PKHD1: variants seen among roughly 807,000 people sequenced by gnomAD.
The protein encoded by PKHD1 is PKHD1 ciliary IPT domain containing fibrocystin/polyductin.
Under a neutral mutation model 412.0 loss-of-function variants are expected in PKHD1, and 291 were observed. The observed-to-expected ratio is 0.71, with a 90% CI of 0.64 to 0.78. PKHD1 has a LOEUF of 0.78. Ranked by LOEUF, PKHD1 falls within the 30% of genes least tolerant of loss-of-function variation. PKHD1 has a pLI of 0.00. For missense variants in PKHD1, 4,825 were observed against 4,950.7 expected (o/e 0.97, Z 0.76); for synonymous variants, 1,777 against 1,821.5 (o/e 0.98, Z 0.62).
At chr6:52,011,049 T>A (rs1799755785) in intron 34 of PKHD1, among the ~76,000 whole-genome samples, 2 of 152,296 alleles carry the variant, frequency 1.3e-5, no homozygotes, top group South Asian at 4.1e-4. Context: ...ATTAACTTAG[T>A]AAATTAATTA....
At chr6:51,650,079 T>C (rs147038961) in intron 61 of PKHD1, among the ~76,000 whole-genome samples, 103 of 152,276 alleles carry the variant, frequency 6.8e-4, no homozygotes, top group African/African-American at 2.4e-3. Flanking sequence ...ATAGTAAGTG[T>C]TGACCAAGAT....
Position 52,024,833 on chromosome 6 carries a change from T to A in PKHD1, c.4977A>T (p.Glu1659Asp). Reference sequence around the variant, plus strand: ...CATCGCTCTGAGAAATAGAGATCAATTCTGGGGTAAAGGCCTTGTTATAAC... The same window carrying A: ...CATCGCTCTGAGAAATAGAGATCAAATCTGGGGTAAAGGCCTTGTTATAAC... Reference protein sequence around the residue: ...VIGYNKAFTPELISISQSDDI... With the variant: ...VIGYNKAFTPDLISISQSDDI... The change falls in exon 32 of 67, where the codon GAA becomes GAT. Residue 1659 changes from glutamate to aspartate, a missense_variant. Physicochemically the swap from Glu to Asp is conservative, Grantham distance 45. Coordinates refer to ENST00000371117, the MANE Select transcript of PKHD1 (RefSeq NM_138694.4). 1 of 1,614,230 alleles carries A rather than the reference T, an allele frequency of 6.2e-7. No homozygotes were observed. The highest frequency in any genetic ancestry group is 8.5e-7 in the Non-Finnish European group (1 of 1,180,038).
chr6:51,758,014 A>AAGAGAGAGAG (rs10534219), intron 55 of PKHD1, among the ~76,000 whole-genome samples: 4,069 of 125,858 alleles, frequency 0.032, 164 homozygotes, highest in African/African-American at 0.095. Flanking sequence ...ACCCTGCCAA[A>AAGAGAGAGAG]AGAGAGAGAG....
chr6:51,833,326 A>G (rs1484921397), intron 51 of PKHD1, among the ~76,000 whole-genome samples: 2 of 152,204 alleles, frequency 1.3e-5, no homozygotes, highest in Non-Finnish European at 2.9e-5. Context: ...GCCTTAAGGT[A>G]GCTATTCTAA....
At chr6:52,022,399 T>TGGTA (rs1489458347) in intron 33 of PKHD1, among the ~76,000 whole-genome samples, 1 of 152,194 alleles carries the variant, frequency 6.6e-6, no homozygotes, top group Non-Finnish European at 1.5e-5. Context: ...ATCCCTTTAC[T>TGGTA]GGTACCTCCA....
intron 35 of PKHD1, among the ~76,000 whole-genome samples, chr6:52,008,326 T>A (rs1302261216): frequency 6.6e-6 from 1 of 152,240 alleles, no homozygotes; most frequent in African/African-American, 2.4e-5. Context: ...TCCACCCAGC[T>A]GTGATGAATT....
chr6:51,788,288 C>T (rs1014494628), intron 53 of PKHD1, among the ~76,000 whole-genome samples: 2 of 151,904 alleles, frequency 1.3e-5, no homozygotes, highest in Non-Finnish European at 2.9e-5. Context: ...ACAGAAGAAT[C>T]ATATCTGTTC....
intron 64 of PKHD1, among the ~76,000 whole-genome samples, chr6:51,636,536 A>G (rs996720865): frequency 2.0e-5 from 3 of 151,990 alleles, no homozygotes; most frequent in Non-Finnish European, 4.4e-5. Flanking sequence ...GTTGGGTGAC[A>G]GATTGAGACC....
At chr6:51,630,976 A>C (rs1767853499) in intron 65 of PKHD1, among the ~76,000 whole-genome samples, 2 of 152,172 alleles carry the variant, frequency 1.3e-5, no homozygotes, top group African/African-American at 4.8e-5. Flanking sequence ...AAGACACTGA[A>C]GTAATAGATA....
chr6:51,799,771 C>G (rs960827581), intron 52 of PKHD1, among the ~76,000 whole-genome samples: 1 of 152,190 alleles, frequency 6.6e-6, no homozygotes, highest in South Asian at 2.1e-4. Context: ...AAGCTGGCAT[C>G]TATGTGCCAC....
intron 52 of PKHD1, among the ~76,000 whole-genome samples, chr6:51,808,000 G>T (rs1399872630): frequency 1.3e-5 from 2 of 151,948 alleles, no homozygotes. Context: ...TACAGTAATC[G>T]CATGTCTCTG....
chr6:51,989,589 A>G (rs1439215736), intron 35 of PKHD1, among the ~76,000 whole-genome samples: 1 of 151,976 alleles, frequency 6.6e-6, no homozygotes, highest in Non-Finnish European at 1.5e-5. Context: ...ATGAAGATAT[A>G]TTTTCCCATT....
intron 53 of PKHD1, among the ~76,000 whole-genome samples, chr6:51,781,368 T>C (rs954932433): frequency 2.6e-5 from 4 of 152,152 alleles, no homozygotes; most frequent in African/African-American, 9.6e-5. Context: ...CAAATTATAA[T>C]GTCCAACCCC....
In PKHD1 at chr6:52,058,550, C is replaced by T. The variant is rs372376237; in HGVS notation, c.1285G>A (p.Glu429Lys). The change falls in exon 16 of 67, where the codon GAG becomes AAG. Residue 429 changes from glutamate (E) to lysine (K), a missense_variant. Transcript: ENST00000371117. ...CAGGTCCCTTCATCCCTATTCTGCT[C>T]CCAGGAGTCAAACCAGTCAGCAGTG... Reference protein sequence around the residue: ...VGTADWFDSWEQNRDEGTWQQ... With the variant: ...VGTADWFDSWKQNRDEGTWQQ... The T allele has an allele frequency of 6.2e-7, 1 of 1,614,182 alleles. No individual in the cohort carries two copies. The highest frequency in any genetic ancestry group is 1.3e-5 in the African/African-American group (1 of 75,040).
rs1195611232 is a variant in PKHD1, at chr6:51,618,164, G to A, written c.*917C>T. 6.6e-6 allele frequency: 1 copy of A among 152,162 alleles called. No individual in the cohort carries two copies. The allele number at this position is 152,162 out of a possible 1,614,324, so 9.4% of individuals were successfully genotyped here. ...ATTTAAACCCCCTGCACAGCCTAGAGCAGTTGCATATGACATAATCTCTCC... is the reference window on the plus strand; with the variant it reads ...ATTTAAACCCCCTGCACAGCCTAGAACAGTTGCATATGACATAATCTCTCC... On this transcript the variant is annotated 3_prime_UTR_variant, in exon 67 of 67. Transcript: ENST00000371117.
intron 37 of PKHD1, among the ~76,000 whole-genome samples, chr6:51,918,733 T>C (rs1784223884): frequency 6.6e-6 from 1 of 152,196 alleles, no homozygotes; most frequent in Non-Finnish European, 1.5e-5. Flanking sequence ...CTGGGTCAAA[T>C]GGTATTTCTG....
chr6:51,716,057 T>A (rs539371602), intron 60 of PKHD1, among the ~76,000 whole-genome samples: 5 of 152,300 alleles, frequency 3.3e-5, no homozygotes, highest in African/African-American at 9.6e-5. Flanking sequence ...TTTAAAAAAA[T>A]TTAAAAAGTT....
intron 7 of PKHD1, among the ~76,000 whole-genome samples, chr6:52,072,959 T>A (rs1188163323): frequency 6.6e-6 from 1 of 152,174 alleles, no homozygotes; most frequent in Non-Finnish European, 1.5e-5. Flanking sequence ...CCACCACGTC[T>A]CCAGTGAAGA....
In PKHD1 at chr6:51,659,741, A is replaced by T. The variant is rs1215839309; in HGVS notation, c.10385T>A (p.Ile3462Asn). The change falls in exon 61 of 67, where the codon ATC (isoleucine) becomes AAC (asparagine). Residue 3462 changes from isoleucine (I) to asparagine (N), a missense_variant. Transcript: ENST00000371117. ...TSGSVSTFYS[I>N]LPIRQITKVC... The stretch of plus-strand genomic sequence containing the variant: ...TTTGGTGATTTGCCTGATGGGTAAG[A>T]TAGAATAGAAAGTAGACACTGACCC... 6.2e-7 allele frequency: 1 copy of T among 1,613,806 alleles called. No individual in the cohort carries two copies. The highest frequency in any genetic ancestry group is 8.5e-7 in the Non-Finnish European group (1 of 1,179,840).
Sources: allele counts gnomAD v4.1 joint callset (sites outside exome capture counted in the v4.1 genomes callset), GRCh38; gene constraint gnomAD v4.1.1; transcripts MANE v1.5; gene names NCBI Gene and HGNC (gene_info 2026-07-23, HGNC 2026-07-21).